Variants in ZNF33A observed in about 807,000 individuals in gnomAD.
The protein encoded by ZNF33A is brain my041 protein.
A neutral mutation model predicts 15.9 loss-of-function variants in ZNF33A; 9 were observed. The ratio of observed to expected loss-of-function variants is 0.57; its 90% CI spans 0.34 to 0.99. ZNF33A has a LOEUF of 0.99. ZNF33A is among the 50% of genes least tolerant of loss of function. ZNF33A has a pLI of 0.02. For missense variants in ZNF33A, 843 were observed against 941.6 expected, an observed-to-expected ratio of 0.90 and a Z score of 1.37; for synonymous variants, 294 against 324.2, an observed-to-expected ratio of 0.91 and a Z score of 1.00.
In ZNF33A at chr10:38,056,206, A is replaced by G. The variant is rs771000532; in HGVS notation, c.2082A>G (p.Glu694=). The G allele has an allele frequency of 2.5e-6, 4 of 1,614,000 alleles. No individual in the cohort carries two copies. The East Asian group carries it at 6.7e-5, about 27-fold the overall frequency. The change falls in exon 5 of 5, where the codon GAA becomes GAG. Residue 694 remains glutamate (E), a synonymous_variant. Transcript: ENST00000432900. ...AGCACACGGGGGAGAAACCCTATGAATGCAATGAATGTGGGAAATTCTTCA... is the reference window on the plus strand; with the variant it reads ...AGCACACGGGGGAGAAACCCTATGAGTGCAATGAATGTGGGAAATTCTTCA... ...ERKHTGEKPY[E]CNECGKFFRH... is the part of the protein sequence containing the mutation.
chr10:38,026,226 A>G (rs2064979689), intron 4 of ZNF33A, among the ~76,000 whole-genome samples: 2 of 152,208 alleles, frequency 1.3e-5, no homozygotes, highest in Non-Finnish European at 2.9e-5. Flanking sequence ...AAGTTCCTGT[A>G]TTCAGTTCTT....
intron 4 of ZNF33A, among the ~76,000 whole-genome samples, chr10:38,039,102 T>C (rs1387250312): frequency 6.6e-6 from 1 of 152,198 alleles, no homozygotes; most frequent in Non-Finnish European, 1.5e-5. Context: ...CAAGTGTTTC[T>C]TCTTATTTTC....
At chr10:38,026,025 C>T (rs2064971744) in intron 4 of ZNF33A, among the ~76,000 whole-genome samples, 1 of 152,156 alleles carries the variant, frequency 6.6e-6, no homozygotes. Context: ...AGTGTGACAA[C>T]ATTTGGCCTT....
intron 4 of ZNF33A, among the ~76,000 whole-genome samples, chr10:38,042,298 G>A (rs2065741213): frequency 6.6e-6 from 1 of 151,446 alleles, no homozygotes; most frequent in Non-Finnish European, 1.5e-5. Flanking sequence ...CGATTCTCCT[G>A]TCTCAGCCTC....
chr10:38,041,494 T>C (rs1223054516), intron 4 of ZNF33A, among the ~76,000 whole-genome samples: 1 of 152,030 alleles, frequency 6.6e-6, no homozygotes, highest in Non-Finnish European at 1.5e-5. Context: ...GAAACATTAC[T>C]TATATGTATC....
intron 4 of ZNF33A, among the ~76,000 whole-genome samples, chr10:38,026,838 T>A (rs1389810542): frequency 6.6e-6 from 1 of 152,238 alleles, no homozygotes; most frequent in African/African-American, 2.4e-5. Context: ...ACTGTCGCCA[T>A]TAAGCGGTAA....
chr10:38,029,415 C>T (rs2135614738), intron 4 of ZNF33A, among the ~76,000 whole-genome samples: 1 of 152,300 alleles, frequency 6.6e-6, no homozygotes, highest in East Asian at 1.9e-4. Context: ...GAGATATCAG[C>T]TCCTAATATT....
rs146068514 is a variant in ZNF33A, at chr10:38,057,385, C to T, written c.*825C>T. 3.7e-5 allele frequency: 36 copies of T among 985,368 alleles called. No individual in the cohort carries two copies. In the African/African-American group the frequency reaches 5.9e-4, roughly 16 times the overall value. The allele number at this position is 985,368 out of a possible 1,614,324, so 61.0% of individuals were successfully genotyped here. On this transcript the variant is annotated 3_prime_UTR_variant, in exon 5 of 5. Transcript: ENST00000432900. The stretch of plus-strand genomic sequence containing the variant: ...GAATAATCAGGGCAATAGCATTAAG[C>T]ACATCTGCGAATTATCCCTGAAGTT...
chr10:38,043,358 G>A, intron 4 of ZNF33A, among the ~76,000 whole-genome samples: 1 of 132,564 alleles, frequency 7.5e-6, no homozygotes, highest in African/African-American at 2.8e-5. Flanking sequence ...GGGGTAGGGG[G>A]AGGGGGGAGG....
intron 4 of ZNF33A, among the ~76,000 whole-genome samples, chr10:38,047,445 T>A (rs536105864): frequency 6.6e-5 from 10 of 151,452 alleles, no homozygotes; most frequent in Admixed American, 1.3e-4. Context: ...TTGGCCAACA[T>A]GGTGAAACCC....
rs1230712658 is a variant in ZNF33A at position 38,017,332 on chromosome 10, C to T, written c.196C>T (p.Gln66Ter). ...HKPEVIFRLQ[Q>*]GEEPWKQEEE... ...ACCAGAGGTGATCTTCAGGCTGCAA[C>T]AAGGAGAAGAGCCATGGAAACAGGA... The change falls in exon 4 of 5, where the codon CAA becomes TAA. Residue 66 changes from glutamine (Q) to a stop codon, truncating the protein, a stop_gained. Coordinates refer to ENST00000432900, the MANE Select transcript of ZNF33A (RefSeq NM_006954.2). LOFTEE classifies it high-confidence loss of function. 2 of 1,614,046 alleles carry T rather than the reference C, an allele frequency of 1.2e-6. No homozygotes were observed. The highest frequency in any genetic ancestry group is 8.5e-7 in the Non-Finnish European group (1 of 1,179,970).
rs557776852 is a variant in ZNF33A, at chr10:38,052,439, C to A, written c.251-1936C>A. On this transcript the variant is annotated intron_variant, in intron 4 of 4. Transcript: ENST00000432900. ...AAAGACCACACTAGAAACAATAACC[C>A]ACTGCAGAGAGAAATTGAAGACCTA... Among the ~76,000 whole-genome samples the A allele has an allele frequency of 6.6e-5, 10 of 152,118 alleles. No homozygotes were observed. The South Asian group carries it at 1.9e-3, about 28-fold the overall frequency.
At chr10:38,061,081 G>T (rs958799044), downstream of ZNF33A, among the ~76,000 whole-genome samples, 2 of 152,138 alleles carry the variant, frequency 1.3e-5, no homozygotes, top group Non-Finnish European at 2.9e-5. Flanking sequence ...CAAAGGTCTG[G>T]CTGGAGCTCT....
Position 38,057,446 on chromosome 10 carries a change from T to C in ZNF33A, c.*886T>C, listed in dbSNP as rs2066531944. On this transcript the variant is annotated 3_prime_UTR_variant, in exon 5 of 5. Transcript: ENST00000432900. ...ATATATGTATAAGTGGTATGTGATA[T>C]AAATCGTGTGTTTCATATGCATAAT... 2.0e-6 allele frequency: 2 copies of C among 985,462 alleles called. No homozygotes were observed. Among genetic ancestry groups the C allele is most frequent in the Non-Finnish European group, 2.4e-6 (2 of 829,934 alleles). The allele number at this position is 985,462 out of a possible 1,614,324, so 61.0% of individuals were successfully genotyped here. A position where few individuals can be genotyped will look rare whatever the true frequency, so the allele number is the denominator to read the frequency against.
intron 4 of ZNF33A, among the ~76,000 whole-genome samples, chr10:38,042,975 C>CT (rs1197346160): frequency 6.6e-6 from 1 of 152,000 alleles, no homozygotes; most frequent in Non-Finnish European, 1.5e-5. Context: ...AAAAATGTGC[C>CT]TTTTTTACTC....
In ZNF33A at chr10:38,057,832, C is replaced by A; in HGVS notation, c.*1272C>A. ...CAAGACAGGGCCCTGGAAAGGCCCACACATACAGCCCAGGGCTGCCCAGGG... is the reference window on the plus strand; with the variant it reads ...CAAGACAGGGCCCTGGAAAGGCCCAAACATACAGCCCAGGGCTGCCCAGGG... On this transcript the variant is annotated 3_prime_UTR_variant, in exon 5 of 5. Coordinates refer to ENST00000432900, the MANE Select transcript of ZNF33A (RefSeq NM_006954.2). 1 of 985,438 alleles carries A rather than the reference C, an allele frequency of 1.0e-6. No individual in the cohort carries two copies. The highest frequency in any genetic ancestry group is 1.2e-6 in the Non-Finnish European group (1 of 829,958). The allele number at this position is 985,438 out of a possible 1,614,324, so 61.0% of individuals were successfully genotyped here. A position where few individuals can be genotyped will look rare whatever the true frequency, so the allele number is the denominator to read the frequency against.
rs139631793 is a variant in ZNF33A, at chr10:38,056,250, C to T, written c.2126C>T (p.Thr709Ile). ...TTCTTCAGGCACAAATCATCACTCACAGTACATCACAGGGCTCACACAGGA... is the reference window on the plus strand; with the variant it reads ...TTCTTCAGGCACAAATCATCACTCATAGTACATCACAGGGCTCACACAGGA... The part of the protein sequence containing the change: ...GKFFRHKSSL[T>I]VHHRAHTGEK... Residue 709 changes from threonine to isoleucine, a missense_variant, in exon 5 of 5, where the codon ACA becomes ATA. Transcript: ENST00000432900. 4.0e-3 allele frequency: 6,429 copies of T among 1,614,090 alleles called. 13 individuals carry two copies. The highest frequency in any genetic ancestry group is 4.8e-3 in the Non-Finnish European group (5,629 of 1,179,992).
At chr10:38,045,491 C>T (rs1241500038) in intron 4 of ZNF33A, among the ~76,000 whole-genome samples, 1 of 152,146 alleles carries the variant, frequency 6.6e-6, no homozygotes, top group East Asian at 1.9e-4. Context: ...TGGGTTCCTT[C>T]TAGAGGGTTG....
intron 4 of ZNF33A, among the ~76,000 whole-genome samples, chr10:38,047,819 T>C (rs1407318628): frequency 6.6e-6 from 1 of 151,896 alleles, no homozygotes; most frequent in Non-Finnish European, 1.5e-5. Flanking sequence ...TCTAAGAAGC[T>C]CATCAAACCC....
Sources: gnomAD v4.1 joint callset for allele counts (sites outside exome capture counted in the v4.1 genomes callset) on GRCh38, gnomAD v4.1.1 for gene constraint, MANE v1.5 for transcripts, NCBI Gene and HGNC (gene_info 2026-07-23, HGNC 2026-07-21) for gene names.